The following INPP5D variants were observed in gnomAD, a reference collection of about 807,000 sequenced individuals.
The protein encoded by INPP5D is phosphatidylinositol 3,4,5-trisphosphate 5-phosphatase 1.
A neutral mutation model predicts 122.9 loss-of-function variants in INPP5D; 33 were observed. The ratio of observed to expected loss-of-function variants is 0.27; its 90% CI spans 0.20 to 0.36. The LOEUF (loss-of-function observed/expected upper bound fraction) is 0.36. Ranked by LOEUF, INPP5D falls within the 10% of genes least tolerant of loss-of-function variation. The probability of loss-of-function intolerance (pLI) is 1.00; values close to 1 mark genes in which losing one functional copy is unlikely to be tolerated. For missense variants in INPP5D, 1,053 were observed against 1,412.7 expected (o/e 0.75, Z 4.08); for synonymous variants, 584 against 576.2 (o/e 1.01, Z -0.19).
chr2:233,119,461 C>G (rs1272934572), intron 2 of INPP5D, among the ~76,000 whole-genome samples: 1 of 152,136 alleles, frequency 6.6e-6, no homozygotes, highest in Admixed American at 6.6e-5. Flanking sequence ...TTTTAGAGGC[C>G]TGGCTGCTGC....
At chr2:233,119,366 C>G (rs1411392180) in intron 2 of INPP5D, among the ~76,000 whole-genome samples, 1 of 152,180 alleles carries the variant, frequency 6.6e-6, no homozygotes, top group Admixed American at 6.5e-5. Context: ...ACTGCTTTAA[C>G]TGAATTGAGT....
At chr2:233,201,811 T>G (rs1695347416) in intron 25 of INPP5D, among the ~76,000 whole-genome samples, 1 of 152,200 alleles carries the variant, frequency 6.6e-6, no homozygotes, top group African/African-American at 2.4e-5. Context: ...GAGATGAGAC[T>G]CGTCTCCTGA....
At chr2:233,174,412 C>T (rs1694567429) in intron 17 of INPP5D, among the ~76,000 whole-genome samples, 1 of 152,224 alleles carries the variant, frequency 6.6e-6, no homozygotes, top group South Asian at 2.1e-4. Flanking sequence ...GTCCTATATG[C>T]AGTCCATTAC....
intron 9 of INPP5D, among the ~76,000 whole-genome samples, chr2:233,151,530 A>G (rs140596878): frequency 6.6e-6 from 1 of 152,054 alleles, no homozygotes; most frequent in Non-Finnish European, 1.5e-5. Context: ...CCCTCCCCCT[A>G]AAAAGGGCAA....
rs866612746 is a variant in INPP5D at position 233,163,913 on chromosome 2, T to C, written c.1437+10T>C. The C allele has an allele frequency of 2.8e-5, 45 of 1,612,790 alleles. No homozygotes were observed. Among genetic ancestry groups the C allele is most frequent in the Non-Finnish European group, 3.6e-5 (43 of 1,178,960 alleles). ...TGTGACTTTTAAAACAGTGAGCAGC[T>C]GGCTGCACGCTGGGTGGGCTTCCGG... On this transcript the variant is annotated intron_variant, in intron 12 of 26. Transcript: ENST00000445964.
At chr2:233,112,767 G>A (rs567564015) in intron 2 of INPP5D, among the ~76,000 whole-genome samples, 1 of 152,230 alleles carries the variant, frequency 6.6e-6, no homozygotes, top group South Asian at 2.1e-4. Context: ...TGCCTCCTGG[G>A]TTCCAGCAAT....
intron 11 of INPP5D, among the ~76,000 whole-genome samples, chr2:233,162,979 C>T (rs909737183): frequency 7.2e-5 from 11 of 152,156 alleles, no homozygotes; most frequent in Admixed American, 3.9e-4. Flanking sequence ...GAGGCCATGC[C>T]GCAGGAGGGC....
chr2:233,063,137 G>A (rs893160009), intron 1 of INPP5D, among the ~76,000 whole-genome samples: 3 of 152,234 alleles, frequency 2.0e-5, no homozygotes, highest in Non-Finnish European at 4.4e-5. Flanking sequence ...GGTGTGCAGG[G>A]CAGCCGGGTT....
chr2:233,169,053 G>A (rs759928771), intron 13 of INPP5D: 18 of 477,538 alleles, frequency 3.8e-5, no homozygotes, highest in South Asian at 6.7e-5. Context: ...GAGAGATGCC[G>A]GGGGAGGATC....
At chr2:233,118,260 C>T (rs1692860425) in intron 2 of INPP5D, among the ~76,000 whole-genome samples, 1 of 152,208 alleles carries the variant, frequency 6.6e-6, no homozygotes, top group South Asian at 2.1e-4. Context: ...TCTGCCCTGT[C>T]CCCTCGGCCA....
rs1693757660 is a variant in INPP5D, at chr2:233,146,308, C to A, written c.835-59C>A. On this transcript the variant is annotated intron_variant, in intron 7 of 26. Coordinates refer to ENST00000445964, the MANE Select transcript of INPP5D (RefSeq NM_001017915.3). ...TGGTCCCCTCTTTGCATGGAGAATGCCCAGATGCACAGGCTCGGCGTCCCC... is the reference window on the plus strand; with the variant it reads ...TGGTCCCCTCTTTGCATGGAGAATGACCAGATGCACAGGCTCGGCGTCCCC... The A allele has an allele frequency of 4.3e-6, 3 of 704,144 alleles. No homozygotes were observed. In the Admixed American group the frequency reaches 6.0e-5, roughly 14 times the overall value. 43.6% of individuals were successfully genotyped at this position (704,144 alleles called of 1,614,324 possible). A position where few individuals can be genotyped will look rare whatever the true frequency, so the allele number is the denominator to read the frequency against.
intron 9 of INPP5D, among the ~76,000 whole-genome samples, chr2:233,148,705 T>C (rs1351307112): frequency 6.6e-6 from 1 of 152,102 alleles, no homozygotes; most frequent in East Asian, 1.9e-4. Context: ...TCTTTCTTCA[T>C]CTGGGTGGCC....
intron 22 of INPP5D, among the ~76,000 whole-genome samples, chr2:233,192,671 G>T (rs1012871878): frequency 6.6e-6 from 1 of 152,162 alleles, no homozygotes. Context: ...AGTTGTTTTT[G>T]TTGGTGCTAT....
At chr2:233,111,017 A>C (rs1692611539) in intron 2 of INPP5D, among the ~76,000 whole-genome samples, 1 of 152,190 alleles carries the variant, frequency 6.6e-6, no homozygotes, top group Non-Finnish European at 1.5e-5. Context: ...CAAGAACGGT[A>C]CAAAGAATTC....
At chr2:233,148,943 A>C (rs1693848677) in intron 9 of INPP5D, among the ~76,000 whole-genome samples, 1 of 152,184 alleles carries the variant, frequency 6.6e-6, no homozygotes, top group African/African-American at 2.4e-5. Context: ...AGGCCCAGTA[A>C]AATTTGAATT....
At chr2:233,145,169 A>G (rs1488545401) in intron 6 of INPP5D, 1 of 455,088 alleles carries the variant, frequency 2.2e-6, no homozygotes, top group South Asian at 1.6e-5. Flanking sequence ...CTAACATAGA[A>G]TAGATGCTTT....
intron 9 of INPP5D, among the ~76,000 whole-genome samples, chr2:233,149,822 A>G (rs1693876572): frequency 6.6e-6 from 1 of 152,068 alleles, no homozygotes; most frequent in Non-Finnish European, 1.5e-5. Flanking sequence ...CAGGGCTCTC[A>G]TGAGTCTTAT....
intron 1 of INPP5D, among the ~76,000 whole-genome samples, chr2:233,076,611 C>T (rs990998171): frequency 6.6e-6 from 1 of 152,188 alleles, no homozygotes; most frequent in African/African-American, 2.4e-5. Flanking sequence ...ATCTACACAG[C>T]TTTAAAAACA....
At chr2:233,200,875 C>G (rs1287403516) in intron 25 of INPP5D, among the ~76,000 whole-genome samples, 1 of 151,958 alleles carries the variant, frequency 6.6e-6, no homozygotes, top group East Asian at 1.9e-4. Flanking sequence ...ACACGAGAAT[C>G]GCTTGAACCC....
Sources: gnomAD v4.1 joint callset for allele counts (sites outside exome capture counted in the v4.1 genomes callset) on GRCh38, gnomAD v4.1.1 for gene constraint, MANE v1.5 for transcripts, NCBI Gene and HGNC (gene_info 2026-07-23, HGNC 2026-07-21) for gene names.